Variants in PCBP3 observed in about 807,000 individuals in gnomAD.
The protein encoded by PCBP3 is poly(rC) binding protein 3, also known as poly(rC)-binding protein 3.
A neutral mutation model predicts 52.7 loss-of-function variants in PCBP3; 25 were observed. The observed-to-expected ratio is 0.47, with a 90% CI of 0.35 to 0.66. The LOEUF (loss-of-function observed/expected upper bound fraction) is 0.66, where lower values mean the gene tolerates loss of function less well. PCBP3 is among the 30% of genes least tolerant of loss of function. The probability of loss-of-function intolerance (pLI) is 0.01; values close to 1 mark genes in which losing one functional copy is unlikely to be tolerated. For synonymous variants in PCBP3, 162 were observed against 183.0 expected, an observed-to-expected ratio of 0.89 and a Z score of 0.93; for missense variants, 391 against 490.3, an observed-to-expected ratio of 0.80 and a Z score of 1.91.
intron 4 of PCBP3, among the ~76,000 whole-genome samples, chr21:45,799,200 G>C (rs1396878246): frequency 6.6e-6 from 1 of 152,252 alleles, no homozygotes; most frequent in Non-Finnish European, 1.5e-5. Context: ...TAAGTAATTG[G>C]ATAAATGAGG....
chr21:45,897,688 C>G (rs757798649), intron 6 of PCBP3, among the ~76,000 whole-genome samples: 1 of 152,184 alleles, frequency 6.6e-6, no homozygotes, highest in African/African-American at 2.4e-5. Flanking sequence ...AGTCCTGGAA[C>G]CAGCCACTGC....
chr21:45,694,236 T>TAAA, intron 2 of PCBP3, among the ~76,000 whole-genome samples: 1 of 152,284 alleles, frequency 6.6e-6, no homozygotes, highest in East Asian at 1.9e-4. Context: ...AATGAACATT[T>TAAA]TAGAAATACA....
intron 4 of PCBP3, among the ~76,000 whole-genome samples, chr21:45,779,153 G>C (rs1358940140): frequency 6.6e-6 from 1 of 152,222 alleles, no homozygotes; most frequent in Non-Finnish European, 1.5e-5. Context: ...GTCTGCCAAA[G>C]GCTAGGTTTG....
intron 5 of PCBP3, among the ~76,000 whole-genome samples, chr21:45,892,246 C>T (rs1030387601): frequency 5.3e-5 from 8 of 152,146 alleles, no homozygotes; most frequent in African/African-American, 1.9e-4. Flanking sequence ...TCAGAGGGTG[C>T]GGCAGTCACC....
At position 45,724,943 on chromosome 21, in the gene PCBP3, A is replaced by T. The variant is rs1198453649; in HGVS notation, c.-199-10449A>T. Among the ~76,000 whole-genome samples the T allele has an allele frequency of 6.6e-6, 1 of 152,256 alleles. No individual in the cohort carries two copies. Among genetic ancestry groups the T allele is most frequent in the Non-Finnish European group, 1.5e-5 (1 of 68,046 alleles). ...CTCTATAACTTAAATGATGAAAGTT[A>T]CAGATAATAGCTCAAATAAACTGTT... On this transcript the variant is annotated intron_variant, in intron 2 of 17. Coordinates refer to ENST00000681687, the MANE Select transcript of PCBP3 (RefSeq NM_001384156.1). This position sits in a 1 kb window ranked among gnomAD's most constrained non-coding sequence, Gnocchi z 5.3.
chr21:45,892,685 T>C (rs1411009794), intron 5 of PCBP3, among the ~76,000 whole-genome samples: 1 of 152,116 alleles, frequency 6.6e-6, no homozygotes, highest in Admixed American at 6.5e-5. Context: ...TGTGGCTAAA[T>C]TGGGCTCCCA....
chr21:45,791,507 C>G lies in PCBP3; in HGVS notation c.-126+36055C>G, dbSNP rs2091563891. Among the ~76,000 whole-genome samples the G allele has an allele frequency of 6.6e-6, 1 of 152,118 alleles. No individual in the cohort carries two copies. Among genetic ancestry groups the G allele is most frequent in the South Asian group, 2.1e-4 (1 of 4,830 alleles). On this transcript the variant is annotated intron_variant, in intron 4 of 17. Transcript: ENST00000681687. The surrounding 1 kb of genome is among the most constrained non-coding windows in gnomAD (Gnocchi z 4.2). The stretch of plus-strand genomic sequence containing the variant: ...AAGGAACCAAGCGGGTAGCCAGACA[C>G]AAAGGCAGAGAGGAGACGATGGTCT...
intron 5 of PCBP3, among the ~76,000 whole-genome samples, chr21:45,860,884 C>G (rs1363646863): frequency 6.6e-6 from 1 of 152,196 alleles, no homozygotes; most frequent in Admixed American, 6.5e-5. Flanking sequence ...CGTGGAGGTG[C>G]AGTGCTCGCC....
chr21:45,754,985 GAT>G lies in PCBP3; in HGVS notation c.-161-428_-161-427del, dbSNP rs2087893756. Among the ~76,000 whole-genome samples the G allele has an allele frequency of 3.3e-5, 5 of 152,024 alleles. No individual in the cohort carries two copies. In the South Asian group the frequency reaches 8.3e-4, roughly 25 times the overall value. The stretch of plus-strand genomic sequence containing the variant: ...TCTTTTTTAACATCAAGTATATTGA[GAT>G]ATAATTTATATAGTATAAAATTCAC... On this transcript the variant is annotated intron_variant, in intron 3 of 17. Transcript: ENST00000681687.
At chr21:45,886,857 AC>A (rs1039558793) in intron 5 of PCBP3, among the ~76,000 whole-genome samples, 17 of 151,998 alleles carry the variant, frequency 1.1e-4, no homozygotes, top group Non-Finnish European at 2.4e-4. Flanking sequence ...CTCTGAAGCC[AC>A]CCCCGCATGG....
intron 3 of PCBP3, among the ~76,000 whole-genome samples, chr21:45,748,941 C>T (rs2087161480): frequency 6.6e-6 from 1 of 152,220 alleles, no homozygotes; most frequent in African/African-American, 2.4e-5. Flanking sequence ...GAGACTGGGT[C>T]TCCTGACCTG....
chr21:45,866,360 T>G (rs528847697), intron 5 of PCBP3, among the ~76,000 whole-genome samples: 1 of 152,304 alleles, frequency 6.6e-6, no homozygotes, highest in South Asian at 2.1e-4. Context: ...CCAGGGTTCT[T>G]ATCGCAAGGA....
At chr21:45,924,072 A>G (rs868834723) in intron 13 of PCBP3, among the ~76,000 whole-genome samples, 115 of 116,162 alleles carry the variant, frequency 9.9e-4, no homozygotes, top group African/African-American at 3.4e-3. Context: ...CACACGTAAG[A>G]TCGGGTGTGC....
chr21:45,645,511 C>T (rs1349742607), intron 1 of PCBP3, among the ~76,000 whole-genome samples: 4 of 152,154 alleles, frequency 2.6e-5, no homozygotes, highest in African/African-American at 7.2e-5. Context: ...TTATAATGCT[C>T]ATGGTGGGGG....
chr21:45,662,539 G>T (rs1235556337), intron 1 of PCBP3, among the ~76,000 whole-genome samples: 1 of 151,766 alleles, frequency 6.6e-6, no homozygotes, highest in Non-Finnish European at 1.5e-5. Flanking sequence ...GGCACGAGCT[G>T]TTCCAGTATA....
At chr21:45,697,536 G>A (rs905642346) in intron 2 of PCBP3, among the ~76,000 whole-genome samples, 1 of 152,052 alleles carries the variant, frequency 6.6e-6, no homozygotes, top group African/African-American at 2.4e-5. Context: ...CTTGAGTCTG[G>A]GAGTTTGAGA....
intron 13 of PCBP3, among the ~76,000 whole-genome samples, chr21:45,924,893 C>T (rs201863396): frequency 2.5e-4 from 10 of 39,834 alleles, no homozygotes; most frequent in African/African-American, 1.1e-3. Flanking sequence ...ATGTGAACAC[C>T]GGGAACAGTC....
intron 1 of PCBP3, among the ~76,000 whole-genome samples, chr21:45,648,983 G>C (rs575258933): frequency 6.6e-6 from 1 of 152,120 alleles, no homozygotes; most frequent in African/African-American, 2.4e-5. Flanking sequence ...ACAGTTTATG[G>C]TGATTGAGTC....
chr21:45,878,164 G>A (rs1159915232), intron 5 of PCBP3, among the ~76,000 whole-genome samples: 1 of 152,222 alleles, frequency 6.6e-6, no homozygotes, highest in Non-Finnish European at 1.5e-5. Flanking sequence ...TGGCTTTGAG[G>A]GCACAGCAGC....
Sources: allele counts gnomAD v4.1 joint callset (sites outside exome capture counted in the v4.1 genomes callset), GRCh38; gene constraint gnomAD v4.1.1; non-coding constraint Gnocchi (gnomAD v3.1); transcripts MANE v1.5; gene names NCBI Gene and HGNC (gene_info 2026-07-23, HGNC 2026-07-21).